Variants in CEP135 observed in about 807,000 individuals in gnomAD.
CEP135 encodes the protein centrosomal protein of 135 kDa.
Under a neutral mutation model 157.3 loss-of-function variants are expected in CEP135, and 142 were observed. The observed-to-expected ratio is 0.90, with a 90% CI of 0.79 to 1.04. The LOEUF is 1.04. Among genes scored for constraint, CEP135 ranks in the 50% least tolerant of loss-of-function variants. The pLI, the probability that CEP135 is intolerant of heterozygous loss-of-function variation, is 0.00. For synonymous variants in CEP135, 396 were observed against 439.8 expected (o/e 0.90, Z 1.25); for missense variants, 1,317 against 1,309.2 (o/e 1.01, Z -0.09).
intron 8 of CEP135, among the ~76,000 whole-genome samples, chr4:55,967,111 AT>A (rs1728868219): frequency 1.3e-5 from 2 of 151,702 alleles, no homozygotes; most frequent in Admixed American, 6.6e-5. Flanking sequence ...ATTTTTTTTT[AT>A]TTAAAAAAAA....
chr4:56,010,835 T>G (rs1321259902), intron 19 of CEP135, among the ~76,000 whole-genome samples: 1 of 152,194 alleles, frequency 6.6e-6, no homozygotes, highest in Non-Finnish European at 1.5e-5. Context: ...TGATGAAATA[T>G]GAATGTTTTT....
At chr4:56,020,882 A>G in intron 24 of CEP135, 102 bp downstream of exon 24, 1 of 816,006 alleles carries the variant, frequency 1.2e-6, no homozygotes, top group Non-Finnish European at 2.0e-6. Context: ...CTTTTTAAAA[A>G]GCTAATACAT....
chr4:55,977,996 C>T (rs980512854), intron 11 of CEP135, among the ~76,000 whole-genome samples: 20 of 152,208 alleles, frequency 1.3e-4, no homozygotes, highest in Non-Finnish European at 8.8e-5. Context: ...CCTGCCCTTA[C>T]AGCCTTCAGC....
At position 56,015,558 on chromosome 4, in the gene CEP135, A is replaced by G. The variant is rs73155582; in HGVS notation, c.2803-2090A>G. On this transcript the variant is annotated intron_variant, in intron 21 of 25. Coordinates refer to ENST00000257287, the MANE Select transcript of CEP135 (RefSeq NM_025009.5). ...CCAGAGAATGAAGGCACAAATGATT[A>G]TTTTTGGGTTTTGAAATCTAATGGA... 2.6e-3 allele frequency among the ~76,000 whole-genome samples: 392 copies of G among 152,348 alleles called. 1 individual carries two copies. Among genetic ancestry groups the G allele is most frequent in the Middle Eastern group, 0.014 (4 of 294 alleles).
intron 11 of CEP135, among the ~76,000 whole-genome samples, chr4:55,978,011 C>T (rs1443268465): frequency 2.0e-5 from 3 of 152,190 alleles, no homozygotes; most frequent in South Asian, 2.1e-4. Context: ...TTCAGCATTG[C>T]GCATGTGTGT....
chr4:55,975,005 C>A, intron 11 of CEP135, 36 bp downstream of exon 11: 2 of 1,410,430 alleles, frequency 1.4e-6, no homozygotes, highest in Non-Finnish European at 1.9e-6. Flanking sequence ...CAGAAAGTAT[C>A]TTTATGAATA....
At chr4:56,022,778 G>T (rs1731011374) in intron 24 of CEP135, among the ~76,000 whole-genome samples, 1 of 152,108 alleles carries the variant, frequency 6.6e-6, no homozygotes, top group Admixed American at 6.5e-5. Context: ...CAGGAAGACG[G>T]AAGAGGGCTA....
At chr4:55,976,924 C>CT (rs1729241712) in intron 11 of CEP135, among the ~76,000 whole-genome samples, 1 of 152,132 alleles carries the variant, frequency 6.6e-6, no homozygotes, top group South Asian at 2.1e-4. Flanking sequence ...ATTTTCACAC[C>CT]TTAGCGTACT....
At chr4:55,951,726 G>A (rs1484343116) in intron 1 of CEP135, among the ~76,000 whole-genome samples, 1 of 152,098 alleles carries the variant, frequency 6.6e-6, no homozygotes, top group Non-Finnish European at 1.5e-5. Context: ...GTATTTTGAT[G>A]AGCAGACATT....
intron 6 of CEP135, among the ~76,000 whole-genome samples, chr4:55,961,119 A>AT (rs1294767766): frequency 2.8e-4 from 42 of 150,756 alleles, no homozygotes; most frequent in Non-Finnish European, 4.9e-4. Context: ...AAAAAAAAAA[A>AT]AGGAAATCAT....
At chr4:55,972,731 T>C (rs1005897535) in intron 10 of CEP135, among the ~76,000 whole-genome samples, 1 of 152,194 alleles carries the variant, frequency 6.6e-6, no homozygotes, top group Admixed American at 6.5e-5. Flanking sequence ...CTTAGAACCA[T>C]GTATAAAAGT....
At chr4:55,964,825 ATATT>A (rs1157295020) in intron 7 of CEP135, 1 of 151,272 alleles carries the variant, frequency 6.6e-6, no homozygotes, top group Admixed American at 6.6e-5. Flanking sequence ...TTATGAGTAT[ATATT>A]TATTTTATAA....
intron 8 of CEP135, among the ~76,000 whole-genome samples, chr4:55,967,898 C>T (rs987984294): frequency 6.6e-6 from 1 of 152,284 alleles, no homozygotes; most frequent in Non-Finnish European, 1.5e-5. Context: ...GTCACTGCTG[C>T]TCAACATAGT....
chr4:56,025,181 A>G (rs1382725425), intron 25 of CEP135, among the ~76,000 whole-genome samples: 1 of 152,168 alleles, frequency 6.6e-6, no homozygotes, highest in Non-Finnish European at 1.5e-5. Flanking sequence ...AGTTCTCACT[A>G]TCTTGCCTGG....
chr4:55,954,401 C>A lies in CEP135; in HGVS notation c.472+18C>A, dbSNP rs73155552. On this transcript the variant is annotated intron_variant, in intron 4 of 25. Transcript: ENST00000257287. ...AACTCCAGGTAAATCGATTCCTTCTCGAGACAAATTATACACATTTAATCT... is the reference window on the plus strand; with the variant it reads ...AACTCCAGGTAAATCGATTCCTTCTAGAGACAAATTATACACATTTAATCT... 1.3e-6 allele frequency: 2 copies of A among 1,571,594 alleles called. No homozygotes were observed. Among genetic ancestry groups the A allele is most frequent in the South Asian group, 1.2e-5 (1 of 83,486 alleles).
intron 21 of CEP135, among the ~76,000 whole-genome samples, chr4:56,013,228 T>A: frequency 6.6e-6 from 1 of 152,356 alleles, no homozygotes; most frequent in East Asian, 1.9e-4. Context: ...TGTTCATTTT[T>A]TAATCAGATT....
In CEP135 at chr4:55,999,402, C is replaced by G. The variant is rs1730084441; in HGVS notation, c.2110C>G (p.Leu704Val). The change falls in exon 16 of 26, where the codon CTG (leucine) becomes GTG (valine). Residue 704 changes from leucine (L) to valine (V), a missense_variant. Transcript: ENST00000257287. Reference sequence around the variant, plus strand: ...ATCAGCCCAAGCACAAATTAAAATACTGGAGGAAAAGATAGGTAAATGTTT... The same window carrying G: ...ATCAGCCCAAGCACAAATTAAAATAGTGGAGGAAAAGATAGGTAAATGTTT... The part of the protein sequence containing the change: ...LESAQAQIKI[L>V]EEKIDELNLK... 2 of 1,613,792 alleles carry G rather than the reference C, an allele frequency of 1.2e-6. No individual in the cohort carries two copies. Among genetic ancestry groups the G allele is most frequent in the Non-Finnish European group, 1.7e-6 (2 of 1,179,938 alleles).
intron 15 of CEP135, among the ~76,000 whole-genome samples, chr4:55,996,455 G>C (rs762054790): frequency 3.9e-5 from 6 of 152,062 alleles, no homozygotes; most frequent in Non-Finnish European, 8.8e-5. Flanking sequence ...TTTCTACCAG[G>C]ACAGGAAGAG....
chr4:55,999,551 T>C lies in CEP135; in HGVS notation c.2186T>C (p.Ile729Thr), dbSNP rs769922725. The C allele has an allele frequency of 9.9e-6, 16 of 1,611,490 alleles. No homozygotes were observed. Among genetic ancestry groups the C allele is most frequent in the Admixed American group, 6.7e-5 (4 of 59,490 alleles). ...GAGGCTCATGTAATGAAAAAGACCA[T>C]TGGTGTTATTGATAAAGAAAAAGAC... The part of the protein sequence containing the change: ...DEEAHVMKKT[I>T]GVIDKEKDFL... Residue 729 changes from isoleucine to threonine, a missense_variant, in exon 17 of 26, where the codon ATT becomes ACT. Coordinates refer to ENST00000257287, the MANE Select transcript of CEP135 (RefSeq NM_025009.5).
Sources: allele counts gnomAD v4.1 joint callset (sites outside exome capture counted in the v4.1 genomes callset), GRCh38; gene constraint gnomAD v4.1.1; transcripts MANE v1.5; gene names NCBI Gene and HGNC (gene_info 2026-07-23, HGNC 2026-07-21).